The following UTRN variants were observed in gnomAD, a reference collection of about 807,000 sequenced individuals.
The protein encoded by UTRN is utrophin, also known as dystrophin-related protein 1.
In UTRN, 283 loss-of-function variants were observed where a neutral mutation model predicts 463.9. The ratio of observed to expected loss-of-function variants is 0.61; its 90% confidence interval spans 0.55 to 0.67. The LOEUF (loss-of-function observed/expected upper bound fraction) is 0.67, where lower values mean the gene tolerates loss of function less well. UTRN is among the 30% of genes least tolerant of loss of function. The pLI, the probability that UTRN is intolerant of heterozygous loss-of-function variation, is 0.00. For missense variants in UTRN, 3,922 were observed against 4,084.3 expected (o/e 0.96, Z 1.08); for synonymous variants, 1,442 against 1,431.5 (o/e 1.01, Z -0.17).
intron 12 of UTRN, 96 bp downstream of exon 12, chr6:144,438,991 T>G: frequency 7.6e-7 from 1 of 1,322,498 alleles, no homozygotes; most frequent in East Asian, 2.5e-5. Flanking sequence ...TAACATGAAG[T>G]TGGGACACTT....
rs375077226 is a variant in UTRN, at chr6:144,428,833, G to A, written c.634G>A (p.Glu212Lys). Residue 212 changes from glutamate to lysine, a missense_variant, in exon 8 of 75, where the codon GAA becomes AAA. Coordinates refer to ENST00000367545, the MANE Select transcript of UTRN (RefSeq NM_007124.3). ...CAAAATGTCACCAATTGAGAGACTT[G>A]AACATGCCTTCAGCAAGGCTCAAAC... Reference protein sequence around the residue: ...VVKMSPIERLEHAFSKAQTYL... With the variant: ...VVKMSPIERLKHAFSKAQTYL... The A allele has an allele frequency of 2.3e-5, 37 of 1,612,474 alleles. No homozygotes were observed. Among genetic ancestry groups the A allele is most frequent in the Non-Finnish European group, 3.0e-5 (35 of 1,179,592 alleles).
intron 2 of UTRN, among the ~76,000 whole-genome samples, chr6:144,308,626 G>A (rs2114551501): frequency 6.6e-6 from 1 of 152,076 alleles, no homozygotes; most frequent in Non-Finnish European, 1.5e-5. Context: ...GAAAATTGAA[G>A]CAAACCAAAG....
chr6:144,702,602 T>C (rs955577054), intron 53 of UTRN, among the ~76,000 whole-genome samples: 2 of 152,214 alleles, frequency 1.3e-5, no homozygotes, highest in Non-Finnish European at 2.9e-5. Context: ...TGTGGGATTA[T>C]AGGCCAAGGT....
chr6:144,330,076 T>C (rs1039649704), intron 2 of UTRN, among the ~76,000 whole-genome samples: 1 of 152,220 alleles, frequency 6.6e-6, no homozygotes, highest in African/African-American at 2.4e-5. Flanking sequence ...GGGGACTTCA[T>C]AGGGACCTGG....
chr6:144,486,082 C>T (rs1018651386), intron 28 of UTRN, among the ~76,000 whole-genome samples: 2 of 152,078 alleles, frequency 1.3e-5, no homozygotes, highest in East Asian at 1.9e-4. Context: ...ACTTAATAAC[C>T]GTTTCTTAAA....
At chr6:144,580,656 A>G (rs908907231) in intron 51 of UTRN, among the ~76,000 whole-genome samples, 11 of 152,218 alleles carry the variant, frequency 7.2e-5, no homozygotes, top group Non-Finnish European at 1.5e-4. Context: ...GGAGCCCTGC[A>G]GGAGAGACAA....
chr6:144,627,956 C>T (rs1776120304), intron 51 of UTRN, among the ~76,000 whole-genome samples: 1 of 151,964 alleles, frequency 6.6e-6, no homozygotes, highest in African/African-American at 2.4e-5. Flanking sequence ...TACAACACCA[C>T]TCCCGGCTAA....
In UTRN at chr6:144,487,696, T is replaced by A; in HGVS notation, c.3971T>A (p.Leu1324Gln). 2 of 1,611,156 alleles carry A rather than the reference T, an allele frequency of 1.2e-6. No individual in the cohort carries two copies. The highest frequency in any genetic ancestry group is 1.7e-6 in the Non-Finnish European group (2 of 1,178,372). ...FNSRYEDLSHLAESKQISLEK... is the reference protein window; with the variant it reads ...FNSRYEDLSHQAESKQISLEK... ...AGCCGATATGAAGATCTAAGTCACC[T>A]GGTAAGAGTTGGGACATACATGGGT... The change falls in exon 29 of 75, where the codon CTG becomes CAG. Residue 1324 changes from leucine to glutamine, a missense_variant and splice_region_variant. This residue lies in a region of UTRN where 2,349 missense variants were observed against 2,303.8 expected (regional missense o/e 1.02). Transcript: ENST00000367545.
chr6:144,787,320 T>C (rs1015407189), intron 61 of UTRN, among the ~76,000 whole-genome samples: 14 of 152,212 alleles, frequency 9.2e-5, no homozygotes, highest in Non-Finnish European at 1.5e-4. Flanking sequence ...GTAGGGTTAA[T>C]GTGAAACTGG....
At chr6:144,454,414 G>A (rs1275953862) in intron 19 of UTRN, among the ~76,000 whole-genome samples, 6 of 151,902 alleles carry the variant, frequency 3.9e-5, no homozygotes, top group Non-Finnish European at 8.8e-5. Flanking sequence ...CTCAGAATAA[G>A]CTAAAGATTA....
Position 144,548,705 on chromosome 6 carries a change from C to T in UTRN, c.6661C>T (p.Arg2221Cys), listed in dbSNP as rs371009722. 1.9e-5 allele frequency: 30 copies of T among 1,613,916 alleles called. 1 individual carries two copies. Among genetic ancestry groups the T allele is most frequent in the African/African-American group, 8.0e-5 (6 of 74,916 alleles). Reference protein sequence around the residue: ...SASDIPVQSHRTSEISIPADL... With the variant: ...SASDIPVQSHCTSEISIPADL... ...GTCAGATATTCCTGTTCAGTCTCAT[C>T]GTACTTCGGAAATTTCAATTCCTGC... The change falls in exon 47 of 75, where the codon CGT becomes TGT. Residue 2221 changes from arginine (R) to cysteine (C), a missense_variant. This residue lies in a region of UTRN where 2,349 missense variants were observed against 2,303.8 expected (regional missense o/e 1.02). Transcript: ENST00000367545.
chr6:144,434,530 A>G (rs188091353), intron 9 of UTRN, among the ~76,000 whole-genome samples: 1 of 152,270 alleles, frequency 6.6e-6, no homozygotes, highest in East Asian at 1.9e-4. Flanking sequence ...TTTGGAAGAA[A>G]GTAAAGGTTT....
intron 43 of UTRN, among the ~76,000 whole-genome samples, chr6:144,535,112 G>A (rs1162645153): frequency 5.9e-5 from 9 of 152,096 alleles, no homozygotes; most frequent in Admixed American, 1.3e-4. Flanking sequence ...ACAGAGTCTC[G>A]CTCTGTCACC....
chr6:144,537,359 A>G (rs1797631040), intron 43 of UTRN, among the ~76,000 whole-genome samples: 1 of 151,986 alleles, frequency 6.6e-6, no homozygotes, highest in Admixed American at 6.6e-5. Context: ...TTTAGTTTCA[A>G]TGTTTTTGAA....
At chr6:144,756,747 T>A (rs1792037807) in intron 57 of UTRN, among the ~76,000 whole-genome samples, 1 of 152,098 alleles carries the variant, frequency 6.6e-6, no homozygotes, top group Admixed American at 6.6e-5. Flanking sequence ...AACAGAGTGC[T>A]TGCCTTTTAT....
chr6:144,639,292 A>C (rs17074004), intron 51 of UTRN, among the ~76,000 whole-genome samples: 15,982 of 151,928 alleles, frequency 0.11, 1,446 homozygotes, highest in East Asian at 0.52. Flanking sequence ...TTATTGCTAC[A>C]TTTGGCCATT....
In UTRN at chr6:144,744,122, T is replaced by TAA. The variant is rs551256455; in HGVS notation, c.7940-4107_7940-4106dup. 6.5e-5 allele frequency among the ~76,000 whole-genome samples: 7 copies of TAA among 108,068 alleles called. No homozygotes were observed. The East Asian group carries it at 1.3e-3, about 20-fold the overall frequency. 70.9% of individuals were successfully genotyped at this position (108,068 alleles called of 152,430 possible). On this transcript the variant is annotated intron_variant, in intron 54 of 74. Coordinates refer to ENST00000367545, the MANE Select transcript of UTRN (RefSeq NM_007124.3). ...GGGTAACATAGTGAGACCTCATCCC[T>TAA]AAAAAAAAAAAAAAAAAATTAGCTG... is the stretch of plus-strand genomic sequence containing the variant.
At chr6:144,645,374 T>A (rs1442477506) in intron 51 of UTRN, among the ~76,000 whole-genome samples, 1 of 152,218 alleles carries the variant, frequency 6.6e-6, no homozygotes, top group African/African-American at 2.4e-5. Context: ...TGTTATAAAG[T>A]ATTTTGTTTT....
chr6:144,320,849 C>CT (rs1433329000), intron 2 of UTRN, among the ~76,000 whole-genome samples: 3 of 152,176 alleles, frequency 2.0e-5, no homozygotes, highest in African/African-American at 7.2e-5. Flanking sequence ...CCTGAGTCTG[C>CT]TTTTTGAAAT....
Sources: gnomAD v4.1 joint callset for allele counts (sites outside exome capture counted in the v4.1 genomes callset) on GRCh38, gnomAD v4.1.1 for gene constraint, gnomAD v4.1.1 regional missense constraint, MANE v1.5 for transcripts, NCBI Gene and HGNC (gene_info 2026-07-23, HGNC 2026-07-21) for gene names.